WDCP: variants seen among roughly 807,000 people sequenced by gnomAD.
The protein encoded by WDCP is WD repeat and coiled-coil-containing protein.
A neutral mutation model predicts 41.6 loss-of-function variants in WDCP; 19 were observed. The observed-to-expected ratio is 0.46, with a 90% CI of 0.32 to 0.67. The LOEUF (loss-of-function observed/expected upper bound fraction) is 0.67. WDCP is among the 30% of genes least tolerant of loss of function. The probability of loss-of-function intolerance (pLI) is 0.04; values close to 1 mark genes in which losing one functional copy is unlikely to be tolerated. For synonymous variants in WDCP, 302 were observed against 320.8 expected (o/e 0.94, Z 0.63); for missense variants, 802 against 850.7 (o/e 0.94, Z 0.71).
rs139467067 is a variant in WDCP, at chr2:24,029,821, T to C, written c.*1112A>G. 10 of 152,500 alleles carry C rather than the reference T, an allele frequency of 6.6e-5. No individual in the cohort carries two copies. The highest frequency in any genetic ancestry group is 3.3e-4 in the Admixed American group (5 of 15,302). The allele number at this position is 152,500 out of a possible 1,614,324, so 9.4% of individuals were successfully genotyped here. A position where few individuals can be genotyped will look rare whatever the true frequency, so the allele number is the denominator to read the frequency against. On this transcript the variant is annotated 3_prime_UTR_variant, in exon 4 of 4. Coordinates refer to ENST00000295148, the MANE Select transcript of WDCP (RefSeq NM_025203.3). ...CCTAGCCACTCACTGATCAATTTGT[T>C]ATGCGCCGTGACTGAAATCTGTGAT...
intron 1 of WDCP, among the ~76,000 whole-genome samples, chr2:24,045,619 A>AAAAG (rs1553318635): frequency 1.1e-5 from 1 of 87,844 alleles, no homozygotes; most frequent in African/African-American, 5.4e-5. Context: ...AAAAAAAAAA[A>AAAAG]AGAGAGAGAG....
At chr2:24,032,163 G>C (rs1663115343) in intron 3 of WDCP, among the ~76,000 whole-genome samples, 1 of 152,190 alleles carries the variant, frequency 6.6e-6, no homozygotes, top group African/African-American at 2.4e-5. Flanking sequence ...CTTGAGGTCA[G>C]GAGTTCAAGA....
chr2:24,039,402 C>G lies in WDCP; in HGVS notation c.93G>C (p.Gly31=), dbSNP rs1663355931. The change falls in exon 2 of 4, where the codon GGG becomes GGC. Residue 31 remains glycine (G), a synonymous_variant. Coordinates refer to ENST00000295148, the MANE Select transcript of WDCP (RefSeq NM_025203.3). ...GCAAATCAGTTAGGACAACTTGATT[C>G]CCATCGGTCCAGGCAAGGCCATGGA... ...HPIHGLAWTD[G]NQVVLTDLRL... 2.5e-6 allele frequency: 4 copies of G among 1,614,132 alleles called. No individual in the cohort carries two copies. Among genetic ancestry groups the G allele is most frequent in the Non-Finnish European group, 3.4e-6 (4 of 1,180,048 alleles).
chr2:24,044,959 A>C (rs992068749), intron 1 of WDCP, among the ~76,000 whole-genome samples: 4 of 152,164 alleles, frequency 2.6e-5, no homozygotes, highest in African/African-American at 9.6e-5. Context: ...ATATTATCAG[A>C]TATTGATATA....
At chr2:24,042,210 T>C (rs1035779190) in intron 1 of WDCP, among the ~76,000 whole-genome samples, 2 of 151,904 alleles carry the variant, frequency 1.3e-5, no homozygotes, top group African/African-American at 4.8e-5. Flanking sequence ...AAAACCAGCC[T>C]GACCAACGTG....
At chr2:24,035,976 G>A (rs958909693) in intron 2 of WDCP, among the ~76,000 whole-genome samples, 7 of 151,364 alleles carry the variant, frequency 4.6e-5, no homozygotes, top group Non-Finnish European at 1.0e-4. Flanking sequence ...GGCTGAGGCA[G>A]GAGAATTGCT....
Position 24,038,715 on chromosome 2 carries a change from C to G in WDCP, c.780G>C (p.Met260Ile). The part of the protein sequence containing the change: ...ALPVIGEVRS[M>I]DKEATDSETN... ...TTTCAGAATCAGTTGCCTCTTTATC[C>G]ATAGAGCGTACTTCACCAATAACTG... The change falls in exon 2 of 4, where the codon ATG becomes ATC. Residue 260 changes from methionine (M) to isoleucine (I), a missense_variant. Transcript: ENST00000295148. The G allele has an allele frequency of 9.9e-6, 16 of 1,614,160 alleles. No individual in the cohort carries two copies. The highest frequency in any genetic ancestry group is 1.3e-5 in the African/African-American group (1 of 75,050).
Position 24,039,241 on chromosome 2 carries a change from A to T in WDCP, c.254T>A (p.Val85Asp). The T allele has an allele frequency of 6.2e-7, 1 of 1,614,244 alleles. No individual in the cohort carries two copies. Among genetic ancestry groups the T allele is most frequent in the Non-Finnish European group, 8.5e-7 (1 of 1,180,042 alleles). The change falls in exon 2 of 4, where the codon GTC becomes GAC. Residue 85 changes from valine (V) to aspartate (D), a missense_variant. Around this residue, in one of 5 missense-constraint regions of WDCP, gnomAD observed 214 missense variants for 252.9 expected, o/e 0.85. Coordinates refer to ENST00000295148, the MANE Select transcript of WDCP (RefSeq NM_025203.3). ...GCTGGGACACAGCTGCCACACAGTGACATGCTTCTCATGCTGGACAGCGAG... is the reference window on the plus strand; with the variant it reads ...GCTGGGACACAGCTGCCACACAGTGTCATGCTTCTCATGCTGGACAGCGAG... ...VLLAVQHEKH[V>D]TVWQLCPSPM...
intron 1 of WDCP, among the ~76,000 whole-genome samples, chr2:24,043,033 CAA>C (rs138929912): frequency 4.4e-5 from 6 of 135,080 alleles, no homozygotes; most frequent in Non-Finnish European, 4.7e-5. Context: ...AACTCCGTCT[CAA>C]AAAAAAAAAA....
Position 24,039,000 on chromosome 2 carries a change from G to C in WDCP, c.495C>G (p.Thr165=). The change falls in exon 2 of 4, where the codon ACC becomes ACG. Residue 165 remains threonine, a synonymous_variant. Transcript: ENST00000295148. The stretch of plus-strand genomic sequence containing the variant: ...CCACCACCAGCCTCAGGCCATCCTG[G>C]GTCCAACATGCACAGTGAATGCGGC... The part of the protein sequence containing the change: ...TQGRIHCACW[T]QDGLRLVVAV... The C allele has an allele frequency of 1.2e-6, 2 of 1,614,130 alleles. No individual in the cohort carries two copies. Among genetic ancestry groups the C allele is most frequent in the Non-Finnish European group, 1.7e-6 (2 of 1,180,034 alleles).
chr2:24,038,302 A>C lies in WDCP; in HGVS notation c.1193T>G (p.Leu398Arg). Reference sequence around the variant, plus strand: ...TTGTTTTCCTACCAAAATTAGTAATAGTTGGTCTGTCAAGAAACATATCCC... The same window carrying C: ...TTGTTTTCCTACCAAAATTAGTAATCGTTGGTCTGTCAAGAAACATATCCC... ...PKGICFLTDQ[L>R]LLILVGKQKL... The change falls in exon 2 of 4, where the codon CTA becomes CGA. Residue 398 changes from leucine (L) to arginine (R), a missense_variant. Leu to Arg is a moderately radical substitution (Grantham distance 102). Around this residue, in one of 5 missense-constraint regions of WDCP, gnomAD observed 247 missense variants for 240.5 expected, o/e 1.03. Transcript: ENST00000295148. 6.2e-7 allele frequency: 1 copy of C among 1,614,194 alleles called. No individual in the cohort carries two copies. The highest frequency in any genetic ancestry group is 8.5e-7 in the Non-Finnish European group (1 of 1,180,016).
chr2:24,037,977 G>C lies in WDCP; in HGVS notation c.1518C>G (p.Ile506Met). 1 of 1,614,208 alleles carries C rather than the reference G, an allele frequency of 6.2e-7. No homozygotes were observed. Among genetic ancestry groups the C allele is most frequent in the Non-Finnish European group, 8.5e-7 (1 of 1,180,032 alleles). ...CATCTAGAGCTATGGAGCCATCACAGATACTAGACAGAGGACTCTGGATTT... is the reference window on the plus strand; with the variant it reads ...CATCTAGAGCTATGGAGCCATCACACATACTAGACAGAGGACTCTGGATTT... ...IKEIQSPLSS[I>M]CDGSIALDAE... The change falls in exon 2 of 4, where the codon ATC becomes ATG. Residue 506 changes from isoleucine (I) to methionine (M), a missense_variant. Physicochemically the swap from Ile to Met is conservative, Grantham distance 10 (BLOSUM62 1). This residue lies in a region of WDCP where 321 missense variants were observed against 305.1 expected (regional missense o/e 1.05). Coordinates refer to ENST00000295148, the MANE Select transcript of WDCP (RefSeq NM_025203.3).
Position 24,038,775 on chromosome 2 carries a change from T to C in WDCP, c.720A>G (p.Pro240=). 2 of 1,614,160 alleles carry C rather than the reference T, an allele frequency of 1.2e-6. No individual in the cohort carries two copies. Among genetic ancestry groups the C allele is most frequent in the Non-Finnish European group, 1.7e-6 (2 of 1,180,036 alleles). Reference sequence around the variant, plus strand: ...ACGGAGTCATGTCTTTACTGTTAGGTGGGATATTAAAGGTTTCAGATGCAT... The same window carrying C: ...ACGGAGTCATGTCTTTACTGTTAGGCGGGATATTAAAGGTTTCAGATGCAT... ...GLNASETFNI[P]PNSKDMTPYA... is the part of the protein sequence containing the mutation. The change falls in exon 2 of 4, where the codon CCA becomes CCG. Residue 240 remains proline, a synonymous_variant. Coordinates refer to ENST00000295148, the MANE Select transcript of WDCP (RefSeq NM_025203.3).
rs1442828526 is a variant in WDCP at position 24,038,154 on chromosome 2, G to A, written c.1341C>T (p.Thr447=). 2 of 1,614,030 alleles carry A rather than the reference G, an allele frequency of 1.2e-6. No individual in the cohort carries two copies. Among genetic ancestry groups the A allele is most frequent in the African/African-American group, 1.3e-5 (1 of 74,906 alleles). Residue 447 remains threonine, a synonymous_variant, in exon 2 of 4, where the codon ACC becomes ACT. Coordinates refer to ENST00000295148, the MANE Select transcript of WDCP (RefSeq NM_025203.3). Reference sequence around the variant, plus strand: ...TTAACGGAGCACTGAAAGTAGAGTAGGTAGTCTGGCTTTCACCTGATGTTA... The same window carrying A: ...TTAACGGAGCACTGAAAGTAGAGTAAGTAGTCTGGCTTTCACCTGATGTTA... ...PSITSGESQT[T]YSTFSAPLNK...
Position 24,030,661 on chromosome 2 carries a change from T to C in WDCP, c.*272A>G, listed in dbSNP as rs12622321. 4 of 374,966 alleles carry C rather than the reference T, an allele frequency of 1.1e-5. No homozygotes were observed. The East Asian group carries it at 1.8e-4, about 17-fold the overall frequency. 23.2% of individuals were successfully genotyped at this position (374,966 alleles called of 1,614,324 possible). ...AAACACCATCCATATGGCACCATAATATTGTTTTGTTCTGAGAATTCTGCC... is the reference window on the plus strand; with the variant it reads ...AAACACCATCCATATGGCACCATAACATTGTTTTGTTCTGAGAATTCTGCC... On this transcript the variant is annotated 3_prime_UTR_variant, in exon 4 of 4. Transcript: ENST00000295148.
chr2:24,039,471 T>G lies in WDCP; in HGVS notation c.24A>C (p.Leu8=). Residue 8 remains leucine (L), a synonymous_variant, in exon 2 of 4, where the codon CTA becomes CTC. Coordinates refer to ENST00000295148, the MANE Select transcript of WDCP (RefSeq NM_025203.3). MELGKGK[L]LRTGLNALHQ... ...GCAACGCATTCAGTCCAGTCCTGAG[T>G]AGTTTTCCTTTTCCCAACTCCATCC... 1 of 1,612,154 alleles carries G rather than the reference T, an allele frequency of 6.2e-7. No individual in the cohort carries two copies. The highest frequency in any genetic ancestry group is 8.5e-7 in the Non-Finnish European group (1 of 1,178,268).
intron 2 of WDCP, chr2:24,033,194 C>T: frequency 1.7e-6 from 1 of 582,330 alleles, no homozygotes; most frequent in South Asian, 1.5e-5. Flanking sequence ...AACTGGCTCT[C>T]CTAGAATACA....
chr2:24,044,275 TG>T (rs1167866352), intron 1 of WDCP, among the ~76,000 whole-genome samples: 1 of 119,432 alleles, frequency 8.4e-6, no homozygotes, highest in African/African-American at 3.2e-5. Flanking sequence ...GGTTTTTTTT[TG>T]GGGGGGGCGT....
intron 1 of WDCP, among the ~76,000 whole-genome samples, chr2:24,044,095 A>G (rs370739856): frequency 7.2e-5 from 11 of 152,320 alleles, no homozygotes; most frequent in Admixed American, 7.2e-4. Flanking sequence ...AAATAATGCC[A>G]TGATACACTT....
Sources: gnomAD v4.1 joint callset for allele counts (sites outside exome capture counted in the v4.1 genomes callset) on GRCh38, gnomAD v4.1.1 for gene constraint, gnomAD v4.1.1 regional missense constraint, MANE v1.5 for transcripts, NCBI Gene and HGNC (gene_info 2026-07-23, HGNC 2026-07-21) for gene names.